Variants in PAH observed in about 807,000 individuals in gnomAD.
PAH encodes the protein phenylalanine hydroxylase.
PAH carries 64 observed loss-of-function variants against 62.0 expected under a neutral mutation model. The observed-to-expected ratio is 1.03, with a 90% CI of 0.84 to 1.27. PAH has a LOEUF of 1.27. Among genes scored for constraint, PAH ranks in the 50% most tolerant of loss-of-function variants. The pLI is 0.00. For missense variants in PAH, 579 were observed against 542.8 expected, an observed-to-expected ratio of 1.07 and a Z score of -0.66; for synonymous variants, 195 against 196.2, an observed-to-expected ratio of 0.99 and a Z score of 0.05.
intron 12 of PAH, 86 bp from the exon 13 acceptor site, chr12:102,839,304 T>G: frequency 7.6e-7 from 1 of 1,320,190 alleles, no homozygotes; most frequent in Non-Finnish European, 1.1e-6. Flanking sequence ...CACTAGGGGA[T>G]AAGTGGGCTT....
intron 5 of PAH, among the ~76,000 whole-genome samples, chr12:102,858,774 A>G (rs891958176): frequency 6.6e-6 from 1 of 152,228 alleles, no homozygotes; most frequent in Non-Finnish European, 1.5e-5. Context: ...TTTGAAACCA[A>G]TGAGAACAAA....
chr12:102,854,839 C>T, intron 6 of PAH: 1 of 447,772 alleles, frequency 2.2e-6, no homozygotes, highest in South Asian at 2.1e-5. Flanking sequence ...CAAAAAAAAA[C>T]CTCAGTGAAG....
chr12:102,881,870 T>A (rs1195763944), intron 3 of PAH, among the ~76,000 whole-genome samples: 1 of 152,212 alleles, frequency 6.6e-6, no homozygotes, highest in Admixed American at 6.5e-5. Flanking sequence ...CACCTGTTGA[T>A]AGATATGTAG....
At chr12:102,913,047 G>T in intron 1 of PAH, 149 bp from the exon 2 acceptor site, 1 of 649,400 alleles carries the variant, frequency 1.5e-6, no homozygotes, top group East Asian at 2.8e-5. Context: ...ACAGAAATAT[G>T]TAGTGTGGTG....
intron 3 of PAH, among the ~76,000 whole-genome samples, chr12:102,882,346 G>A (rs1039003511): frequency 3.2e-4 from 49 of 152,052 alleles, no homozygotes; most frequent in African/African-American, 1.1e-3. Flanking sequence ...GACAGCCCAG[G>A]TTTGAATCTT....
At chr12:102,865,527 G>T (rs1331178887) in intron 5 of PAH, among the ~76,000 whole-genome samples, 2 of 152,140 alleles carry the variant, frequency 1.3e-5, no homozygotes, top group Non-Finnish European at 2.9e-5. Context: ...TAATAAGTAT[G>T]ATCTGTTATT....
intron 2 of PAH, among the ~76,000 whole-genome samples, chr12:102,897,039 G>A (rs1397818217): frequency 2.6e-5 from 4 of 152,072 alleles, no homozygotes; most frequent in Non-Finnish European, 5.9e-5. Context: ...TAGAAATAAC[G>A]GTCAGCAATA....
At chr12:102,918,390 TAA>T (rs1878464290), upstream of PAH, among the ~76,000 whole-genome samples, 1 of 152,106 alleles carries the variant, frequency 6.6e-6, no homozygotes, top group South Asian at 2.1e-4. Context: ...AAGCCAATAA[TAA>T]AGGTTGCTGG....
intron 4 of PAH, 40 bp from the exon 5 acceptor site, chr12:102,866,703 G>T: frequency 6.6e-7 from 1 of 1,508,240 alleles, no homozygotes; most frequent in Non-Finnish European, 9.2e-7. Context: ...AGGCTTCATA[G>T]GAAGAGGTCT....
Position 102,894,936 on chromosome 12 carries a change from G to T in PAH, c.169-18C>A, listed in dbSNP as rs1592979038. On this transcript the variant is annotated intron_variant, in intron 2 of 12. Coordinates refer to ENST00000553106, the MANE Select transcript of PAH (RefSeq NM_000277.3). ...TCATTCTCCTAGAAGAGAGAATGGG[G>T]AGGGTGAGGAGACAGTCACTGGAAC... 4 of 1,598,322 alleles carry T rather than the reference G, an allele frequency of 2.5e-6. No individual in the cohort carries two copies. The East Asian group carries it at 8.9e-5, about 36-fold the overall frequency.
At chr12:102,938,365 A>G (rs1879175766) in intron 1 of PAH, among the ~76,000 whole-genome samples, 2 of 152,176 alleles carry the variant, frequency 1.3e-5, no homozygotes, top group South Asian at 4.1e-4. Context: ...GTCCGGGCAG[A>G]GCTACCACTC....
chr12:102,883,146 C>T (rs569232528), intron 3 of PAH, among the ~76,000 whole-genome samples: 1 of 152,260 alleles, frequency 6.6e-6, no homozygotes, highest in African/African-American at 2.4e-5. Context: ...TATTCAGAGA[C>T]CTGTGGGATC....
At chr12:102,844,284 T>C in intron 10 of PAH, 52 bp downstream of exon 10, 1 of 1,281,232 alleles carries the variant, frequency 7.8e-7, no homozygotes, top group Non-Finnish European at 1.1e-6. Flanking sequence ...CAATAATGGT[T>C]TTCTGTACCC....
At chr12:102,843,852 C>A (rs1592947680) in intron 10 of PAH, 73 bp from the exon 11 acceptor site, 1 of 1,502,836 alleles carries the variant, frequency 6.7e-7, no homozygotes, top group East Asian at 2.3e-5. Flanking sequence ...TCCCATAGGC[C>A]ATTTGTGCCC....
intron 1 of PAH, among the ~76,000 whole-genome samples, chr12:102,915,947 C>A (rs1385583003): frequency 6.6e-6 from 1 of 152,054 alleles, no homozygotes; most frequent in Non-Finnish European, 1.5e-5. Flanking sequence ...CTATAAAGAA[C>A]TTTAAACCCC....
At chr12:102,877,015 C>T (rs1394241310) in intron 4 of PAH, among the ~76,000 whole-genome samples, 5 of 152,096 alleles carry the variant, frequency 3.3e-5, no homozygotes, top group Middle Eastern at 3.2e-3. Context: ...AAGCCCTCTC[C>T]GTTCCTTATC....
In PAH at chr12:102,853,382, G is replaced by C. The variant is rs952268712; in HGVS notation, c.707-432C>G. 9 of 295,416 alleles carry C rather than the reference G, an allele frequency of 3.0e-5. No individual in the cohort carries two copies. In the Admixed American group the frequency reaches 3.3e-4, roughly 11 times the overall value. The allele number at this position is 295,416 out of a possible 1,614,324, so 18.3% of individuals were successfully genotyped here. The stretch of plus-strand genomic sequence containing the variant: ...CCCAGAAGGGAAGAGTATGGATAGA[G>C]TGCTTCCAGCTTCTGTACTGCACCT... On this transcript the variant is annotated intron_variant, in intron 6 of 12. Transcript: ENST00000553106.
chr12:102,866,207 CCTT>C (rs1445398910), intron 5 of PAH, among the ~76,000 whole-genome samples: 1 of 152,042 alleles, frequency 6.6e-6, no homozygotes, highest in Admixed American at 6.6e-5. Context: ...GCAGCCAGCT[CCTT>C]CTTGAATGTA....
At chr12:102,887,377 T>TTTGGAG (rs1877085355) in intron 3 of PAH, among the ~76,000 whole-genome samples, 1 of 151,366 alleles carries the variant, frequency 6.6e-6, no homozygotes, top group Admixed American at 6.6e-5. Flanking sequence ...AAATGAGAGA[T>TTTGGAG]CATTCACAGG....
Sources: allele counts gnomAD v4.1 joint callset (sites outside exome capture counted in the v4.1 genomes callset), GRCh38; gene constraint gnomAD v4.1.1; transcripts MANE v1.5; gene names NCBI Gene and HGNC (gene_info 2026-07-23, HGNC 2026-07-21).